Variants in SENP6 observed in about 807,000 individuals in gnomAD.
SENP6 encodes SUMO specific peptidase 6.
A neutral mutation model predicts 134.5 loss-of-function variants in SENP6; 41 were observed. The observed-to-expected ratio is 0.30, with a 90% CI of 0.24 to 0.40. The LOEUF (loss-of-function observed/expected upper bound fraction) is 0.40, where lower values mean the gene tolerates loss of function less well. Ranked by LOEUF, SENP6 falls within the 10% of genes least tolerant of loss-of-function variation. The probability of loss-of-function intolerance (pLI) is 1.00; values close to 1 mark genes in which losing one functional copy is unlikely to be tolerated. For synonymous variants in SENP6, 395 were observed against 429.8 expected (o/e 0.92, Z 1.00); for missense variants, 1,248 against 1,312.5 (o/e 0.95, Z 0.76).
intron 18 of SENP6, chr6:75,698,111 A>G (rs1774777636): frequency 6.6e-6 from 1 of 152,270 alleles, no homozygotes; most frequent in Non-Finnish European, 1.5e-5. Context: ...AACACCAGAA[A>G]TACACTTGTA....
In SENP6 at chr6:75,677,061, T is replaced by A; in HGVS notation, c.1653T>A (p.Phe551Leu). ...NLEEQYIILI[F>L]QNGLDPPANM... is the part of the protein sequence containing the mutation. The stretch of plus-strand genomic sequence containing the variant: ...AAGAACAATATATAATTTTAATTTT[T>A]CAAAATGGCCTTGATCCTCCGGCAA... The change falls in exon 14 of 24, where the codon TTT (phenylalanine) becomes TTA (leucine). Residue 551 changes from phenylalanine (F) to leucine (L), a missense_variant. By Grantham distance (22) the Phe-to-Leu change is conservative. Around this residue, in one of 3 missense-constraint regions of SENP6, gnomAD observed 733 missense variants for 725.4 expected, o/e 1.01. Transcript: ENST00000447266. 6.3e-7 allele frequency: 1 copy of A among 1,579,648 alleles called. No individual in the cohort carries two copies. Among genetic ancestry groups the A allele is most frequent in the East Asian group, 2.2e-5 (1 of 44,448 alleles).
chr6:75,640,687 T>G lies in SENP6; in HGVS notation c.462T>G (p.Ser154Arg). ...TTTTTCTTTTTCATGTTTTAAGCAG[T>G]CTGGACCGAAAAGAAAGGTAAGCTT... ...IPVVKTAAQS[S>R]LDRKERKEYP... Residue 154 changes from serine (S) to arginine (R), a missense_variant, in exon 6 of 24, where the codon AGT becomes AGG. Transcript: ENST00000447266. 8 of 1,530,646 alleles carry G rather than the reference T, an allele frequency of 5.2e-6. No individual in the cohort carries two copies. Among genetic ancestry groups the G allele is most frequent in the Non-Finnish European group, 7.1e-6 (8 of 1,132,512 alleles). 94.8% of individuals were successfully genotyped at this position (1,530,646 alleles called of 1,614,324 possible).
intron 7 of SENP6, 96 bp downstream of exon 7, chr6:75,647,897 T>C (rs1022726928): frequency 2.3e-6 from 2 of 861,236 alleles, no homozygotes; most frequent in African/African-American, 1.7e-5. Flanking sequence ...TATTCCCAGG[T>C]ATAATAGATA....
At chr6:75,696,011 T>C in intron 17 of SENP6, 88 bp downstream of exon 17, 1 of 1,138,796 alleles carries the variant, frequency 8.8e-7, no homozygotes. Context: ...AAAACACAAA[T>C]CTCTGCAGTT....
intron 16 of SENP6, among the ~76,000 whole-genome samples, chr6:75,680,470 G>A (rs923803110): frequency 1.3e-5 from 2 of 152,010 alleles, no homozygotes; most frequent in African/African-American, 4.8e-5. Flanking sequence ...AAGAGTATAC[G>A]GACAGATCCT....
At position 75,713,595 on chromosome 6, in the gene SENP6, T is replaced by C; in HGVS notation, c.2978+14T>C. ...AATTTTAAGAGAGTAAGTTCACACT[T>C]TATTTCGTATTCTGATGGGGATGAA... On this transcript the variant is annotated intron_variant, in intron 22 of 23. Coordinates refer to ENST00000447266, the MANE Select transcript of SENP6 (RefSeq NM_015571.4). 1 of 1,611,342 alleles carries C rather than the reference T, an allele frequency of 6.2e-7. No homozygotes were observed. The highest frequency in any genetic ancestry group is 8.5e-7 in the Non-Finnish European group (1 of 1,177,658).
chr6:75,668,101 A>G (rs780372171), intron 10 of SENP6, among the ~76,000 whole-genome samples: 22 of 152,206 alleles, frequency 1.4e-4, no homozygotes, highest in Non-Finnish European at 2.5e-4. Context: ...AAAAACAACA[A>G]AAGCAATCAT....
At chr6:75,628,893 T>G (rs1768900703) in intron 3 of SENP6, among the ~76,000 whole-genome samples, 1 of 152,104 alleles carries the variant, frequency 6.6e-6, no homozygotes, top group South Asian at 2.1e-4. Flanking sequence ...CTAATTTTTG[T>G]ATTTTTAGTA....
intron 6 of SENP6, 31 bp from the exon 7 acceptor site, chr6:75,647,700 T>C: frequency 6.9e-7 from 1 of 1,458,884 alleles, no homozygotes; most frequent in South Asian, 1.2e-5. Context: ...TATTTCCTGT[T>C]AGAATAAAAC....
chr6:75,627,702 G>A (rs930307200), intron 3 of SENP6, among the ~76,000 whole-genome samples: 21 of 152,040 alleles, frequency 1.4e-4, no homozygotes, highest in Non-Finnish European at 2.9e-4. Context: ...TTTTGAGACA[G>A]TCTTGCTCTG....
intron 10 of SENP6, among the ~76,000 whole-genome samples, chr6:75,669,816 A>G (rs1410209334): frequency 1.3e-5 from 2 of 152,240 alleles, no homozygotes; most frequent in Admixed American, 1.3e-4. Context: ...TTTACTGTGC[A>G]TGAAGCAATC....
intron 2 of SENP6, chr6:75,622,754 C>T: frequency 7.8e-7 from 1 of 1,282,412 alleles, no homozygotes; most frequent in African/African-American, 1.5e-5. Flanking sequence ...ATTGTAGGTG[C>T]TTCACTTCTG....
intron 1 of SENP6, among the ~76,000 whole-genome samples, chr6:75,612,896 T>C (rs1767564859): frequency 6.6e-6 from 1 of 152,044 alleles, no homozygotes; most frequent in Admixed American, 6.6e-5. Context: ...GGCAGATCAC[T>C]TGAGGCCAGG....
Position 75,708,514 on chromosome 6 carries a change from G to A in SENP6, c.2717-1013G>A, listed in dbSNP as rs193268032. 4.6e-5 allele frequency among the ~76,000 whole-genome samples: 7 copies of A among 152,256 alleles called. No individual in the cohort carries two copies. The East Asian group carries it at 5.8e-4, about 13-fold the overall frequency. Reference sequence around the variant, plus strand: ...GCCAAAGCAGGAGGATGGCTTGAGCGTAGGAGTTCAAGGTTACAGCGAGTT... The same window carrying A: ...GCCAAAGCAGGAGGATGGCTTGAGCATAGGAGTTCAAGGTTACAGCGAGTT... On this transcript the variant is annotated intron_variant, in intron 19 of 23. Coordinates refer to ENST00000447266, the MANE Select transcript of SENP6 (RefSeq NM_015571.4).
intron 1 of SENP6, among the ~76,000 whole-genome samples, chr6:75,617,515 G>T (rs1037128478): frequency 2.0e-5 from 3 of 151,592 alleles, no homozygotes; most frequent in African/African-American, 4.8e-5. Context: ...CAGGTGATCC[G>T]CCCGCCTCCG....
chr6:75,680,018 C>A (rs767103143), intron 16 of SENP6, among the ~76,000 whole-genome samples: 1 of 152,134 alleles, frequency 6.6e-6, no homozygotes, highest in East Asian at 1.9e-4. Context: ...GGCATGACAT[C>A]GTGGAAGTCT....
intron 6 of SENP6, chr6:75,647,223 T>A (rs1227560541): frequency 6.6e-6 from 1 of 152,262 alleles, no homozygotes; most frequent in East Asian, 1.9e-4. Context: ...TTTGCTTTTT[T>A]CCCCCAAAAT....
rs572569087 is a variant in SENP6, at chr6:75,663,517, A to T, written c.993A>T (p.Pro331=). The change falls in exon 9 of 24, where the codon CCA becomes CCT. Residue 331 remains proline, a splice_region_variant and synonymous_variant. Coordinates refer to ENST00000447266, the MANE Select transcript of SENP6 (RefSeq NM_015571.4). Reference sequence around the variant, plus strand: ...CAAGTTTGTCAGACCTAAATGATCCAAGTAAGTATTTTACTCCCTTTAATA... The same window carrying T: ...CAAGTTTGTCAGACCTAAATGATCCTAGTAAGTATTTTACTCCCTTTAATA... ...RKTSLSDLND[P]IILSSDDDDD... The T allele has an allele frequency of 6.2e-7, 1 of 1,603,106 alleles. No homozygotes were observed. The highest frequency in any genetic ancestry group is 1.1e-5 in the South Asian group (1 of 89,838).
At chr6:75,660,988 A>G (rs1771730884) in intron 8 of SENP6, among the ~76,000 whole-genome samples, 1 of 152,156 alleles carries the variant, frequency 6.6e-6, no homozygotes, top group Admixed American at 6.5e-5. Flanking sequence ...GGAGCCATGC[A>G]TACAAGGAGA....
Sources: allele counts gnomAD v4.1 joint callset (sites outside exome capture counted in the v4.1 genomes callset), GRCh38; gene constraint gnomAD v4.1.1; regional missense constraint gnomAD v4.1.1; transcripts MANE v1.5; gene names NCBI Gene and HGNC (gene_info 2026-07-23, HGNC 2026-07-21).